The following EEFSEC variants were observed in gnomAD, a reference collection of about 807,000 sequenced individuals.
EEFSEC encodes selenocysteine-specific elongation factor.
In EEFSEC, 43 loss-of-function variants were observed where a neutral mutation model predicts 42.1. The ratio of observed to expected loss-of-function variants is 1.02; its 90% confidence interval spans 0.80 to 1.32. EEFSEC has a LOEUF of 1.32. EEFSEC is among the 40% of genes most tolerant of loss of function. The pLI is 0.00. For synonymous variants in EEFSEC, 354 were observed against 339.1 expected, an observed-to-expected ratio of 1.04 and a Z score of -0.48; for missense variants, 745 against 803.6, an observed-to-expected ratio of 0.93 and a Z score of 0.88.
At chr3:128,349,557 C>T (rs2067358012) in intron 5 of EEFSEC, among the ~76,000 whole-genome samples, 1 of 152,196 alleles carries the variant, frequency 6.6e-6, no homozygotes, top group Admixed American at 6.5e-5. Flanking sequence ...TACCTGCTGG[C>T]TTCCACAGCA....
chr3:128,360,172 G>A (rs2067506688), intron 6 of EEFSEC, among the ~76,000 whole-genome samples: 2 of 152,216 alleles, frequency 1.3e-5, no homozygotes, highest in African/African-American at 4.8e-5. Flanking sequence ...CTTCTCCATA[G>A]TGGCTCTGAG....
rs75100839 is a variant in EEFSEC at position 128,324,951 on chromosome 3, C to T, written c.787-16282C>T. 1.4e-4 allele frequency among the ~76,000 whole-genome samples: 21 copies of T among 152,292 alleles called. No individual in the cohort carries two copies. In the East Asian group the frequency reaches 3.9e-3, roughly 28 times the overall value. On this transcript the variant is annotated intron_variant, in intron 4 of 6. Coordinates refer to ENST00000254730, the MANE Select transcript of EEFSEC (RefSeq NM_021937.5). ...GACCTCAAACTCAAGGCTGCCTCTC[C>T]GTCCCAGACAGACTGTACCTTGACC...
chr3:128,257,299 A>G (rs1471558642), intron 2 of EEFSEC, among the ~76,000 whole-genome samples: 1 of 152,176 alleles, frequency 6.6e-6, no homozygotes, highest in South Asian at 2.1e-4. Flanking sequence ...GACTGACTTT[A>G]ATTCTGTTGT....
At chr3:128,384,892 G>A (rs2067820330) in intron 6 of EEFSEC, among the ~76,000 whole-genome samples, 1 of 152,162 alleles carries the variant, frequency 6.6e-6, no homozygotes, top group South Asian at 2.1e-4. Flanking sequence ...TCCCCAGGTT[G>A]CCCGCACAAA....
chr3:128,342,446 C>T (rs1576654745), intron 5 of EEFSEC, among the ~76,000 whole-genome samples: 1 of 152,212 alleles, frequency 6.6e-6, no homozygotes, highest in African/African-American at 2.4e-5. Context: ...CTTTCCTCAC[C>T]TGTGGACTGA....
intron 4 of EEFSEC, among the ~76,000 whole-genome samples, chr3:128,322,606 T>A (rs11922611): frequency 0.031 from 4,699 of 152,306 alleles, 229 homozygotes; most frequent in African/African-American, 0.1. Flanking sequence ...GTCCCATCCG[T>A]TAATGCATTG....
chr3:128,394,552 C>T (rs1171883908), intron 6 of EEFSEC, among the ~76,000 whole-genome samples: 1 of 152,030 alleles, frequency 6.6e-6, no homozygotes, highest in African/African-American at 2.4e-5. Context: ...CCTTTTAAAC[C>T]AGTTATCTTA....
intron 4 of EEFSEC, among the ~76,000 whole-genome samples, chr3:128,268,865 A>G (rs541402393): frequency 7.9e-5 from 12 of 152,090 alleles, no homozygotes; most frequent in African/African-American, 2.9e-4. Flanking sequence ...GAGAAGAAAT[A>G]TTTTGTTGTT....
At chr3:128,209,246 C>T (rs1351123926) in intron 1 of EEFSEC, among the ~76,000 whole-genome samples, 1 of 152,198 alleles carries the variant, frequency 6.6e-6, no homozygotes, top group African/African-American at 2.4e-5. Flanking sequence ...TATCGTGAAT[C>T]TTAAAGAGTG....
At chr3:128,423,394 G>A in the EEFSEC span, among the ~76,000 whole-genome samples, 4 of 152,144 alleles carry the variant, frequency 2.6e-5, no homozygotes, top group Non-Finnish European at 4.4e-5. Context: ...TGAAAGGATC[G>A]CCTGAGGCCA....
chr3:128,356,244 C>T (rs1173327621), intron 5 of EEFSEC, among the ~76,000 whole-genome samples: 1 of 152,228 alleles, frequency 6.6e-6, no homozygotes, highest in Non-Finnish European at 1.5e-5. Context: ...GGTGGGGCCT[C>T]TTACAAGCTG....
intron 4 of EEFSEC, among the ~76,000 whole-genome samples, chr3:128,267,162 C>T (rs1049287393): frequency 2.1e-4 from 32 of 152,000 alleles, no homozygotes; most frequent in African/African-American, 7.5e-4. Context: ...TCAGTGGCTG[C>T]AATGTTAGGG....
At chr3:128,422,788 C>A in the EEFSEC span, among the ~76,000 whole-genome samples, 8 of 152,216 alleles carry the variant, frequency 5.3e-5, no homozygotes, top group Non-Finnish European at 1.0e-4. Context: ...CCCAGATGTC[C>A]CTGCCTACCC....
Position 128,246,894 on chromosome 3 carries a change from C to G in EEFSEC, c.375C>G (p.Thr125=). The change falls in exon 2 of 7, where the codon ACC becomes ACG. Residue 125 remains threonine, a synonymous_variant. Transcript: ENST00000254730. ...TCGATGTGACCAAGGGGATGCAGAC[C>G]CAGTCAGCGGAATGCCTTGTGATCG... The part of the protein sequence containing the change: ...LVIDVTKGMQ[T]QSAECLVIGQ... 2 of 1,614,168 alleles carry G rather than the reference C, an allele frequency of 1.2e-6. No individual in the cohort carries two copies. Among genetic ancestry groups the G allele is most frequent in the African/African-American group, 1.3e-5 (1 of 75,048 alleles).
chr3:128,406,628 T>C (rs2068116960), intron 6 of EEFSEC, among the ~76,000 whole-genome samples: 1 of 152,056 alleles, frequency 6.6e-6, no homozygotes, highest in Non-Finnish European at 1.5e-5. Flanking sequence ...CTGGGCAACA[T>C]GGCAAAACCC....
At chr3:128,271,016 T>C (rs557727089) in intron 4 of EEFSEC, among the ~76,000 whole-genome samples, 5 of 152,300 alleles carry the variant, frequency 3.3e-5, no homozygotes, top group African/African-American at 1.2e-4. Context: ...AAAGGAATAA[T>C]AGGAAAAAGC....
chr3:128,203,663 A>G (rs1576542683), intron 1 of EEFSEC, among the ~76,000 whole-genome samples: 2 of 152,356 alleles, frequency 1.3e-5, no homozygotes, highest in East Asian at 3.9e-4. Flanking sequence ...GACTTTTCCC[A>G]GGCAGTATCT....
chr3:128,357,983 T>C (rs1322900392), intron 5 of EEFSEC, among the ~76,000 whole-genome samples: 1 of 152,028 alleles, frequency 6.6e-6, no homozygotes, highest in East Asian at 1.9e-4. Flanking sequence ...AGCATGCCTG[T>C]TTTGAAGGGC....
intron 6 of EEFSEC, among the ~76,000 whole-genome samples, chr3:128,361,623 C>G (rs531640458): frequency 6.6e-6 from 1 of 152,310 alleles, no homozygotes; most frequent in East Asian, 1.9e-4. Context: ...GCTGTTGACT[C>G]CCAGAATGTG....
Sources: allele counts gnomAD v4.1 joint callset (sites outside exome capture counted in the v4.1 genomes callset), GRCh38; gene constraint gnomAD v4.1.1; transcripts MANE v1.5; gene names NCBI Gene and HGNC (gene_info 2026-07-23, HGNC 2026-07-21).